The following COL14A1 variants were observed in gnomAD, a reference collection of about 807,000 sequenced individuals.
COL14A1 encodes collagen type XIV alpha 1 chain.
In COL14A1, 136 loss-of-function variants were observed where a neutral mutation model predicts 230.3. That is an observed-to-expected ratio of 0.59 (90% CI 0.51 to 0.68). The LOEUF is 0.68. COL14A1 is among the 30% of genes least tolerant of loss of function. The pLI, the probability that COL14A1 is intolerant of heterozygous loss-of-function variation, is 0.00. For missense variants in COL14A1, 1,976 were observed against 2,215.8 expected (o/e 0.89, Z 2.17); for synonymous variants, 792 against 784.1 (o/e 1.01, Z -0.17).
At chr8:120,127,014 G>A (rs534534988) in intron 1 of COL14A1, among the ~76,000 whole-genome samples, 56 of 152,284 alleles carry the variant, frequency 3.7e-4, no homozygotes, top group Non-Finnish European at 6.2e-4. Flanking sequence ...TTTTCACAGA[G>A]CAGAGTAAAT....
intron 19 of COL14A1, among the ~76,000 whole-genome samples, chr8:120,233,523 G>A (rs1196625410): frequency 1.3e-5 from 2 of 152,082 alleles, no homozygotes; most frequent in African/African-American, 4.8e-5. Context: ...TCCAATTTCA[G>A]TTTTCTGCCT....
rs1268681700 is a variant in COL14A1, at chr8:120,371,271, T to C, written c.*40T>C. The C allele has an allele frequency of 6.6e-7, 1 of 1,506,230 alleles. No homozygotes were observed. Among genetic ancestry groups the C allele is most frequent in the Non-Finnish European group, 9.1e-7 (1 of 1,092,942 alleles). 93.3% of individuals were successfully genotyped at this position (1,506,230 alleles called of 1,614,324 possible). The stretch of plus-strand genomic sequence containing the variant: ...ATTTGAAGACCAACTGCAAGAACTC[T>C]TAAGGAATCTTGTTTGAGAAAATGT... On this transcript the variant is annotated 3_prime_UTR_variant, in exon 48 of 48. Transcript: ENST00000297848.
chr8:120,341,212 C>T, intron 42 of COL14A1, 113 bp from the exon 43 acceptor site: 2 of 1,011,292 alleles, frequency 2.0e-6, no homozygotes, highest in South Asian at 1.3e-5. Context: ...ATTTTTGCTG[C>T]AGAATTACTG....
At chr8:120,298,634 T>TATATATATATAC (rs2130013204) in intron 35 of COL14A1, among the ~76,000 whole-genome samples, 1 of 115,140 alleles carries the variant, frequency 8.7e-6, no homozygotes, top group East Asian at 2.5e-4. Context: ...TATATATATA[T>TATATATATATAC]ATATACAAAA....
intron 45 of COL14A1, among the ~76,000 whole-genome samples, chr8:120,347,866 C>G (rs1388475988): frequency 1.3e-5 from 2 of 151,788 alleles, no homozygotes; most frequent in Non-Finnish European, 2.9e-5. Flanking sequence ...AAAATAAGTA[C>G]TATTACCAGG....
At chr8:120,269,406 A>G (rs1819590643) in intron 25 of COL14A1, among the ~76,000 whole-genome samples, 1 of 151,794 alleles carries the variant, frequency 6.6e-6, no homozygotes, top group South Asian at 2.1e-4. Flanking sequence ...ACCTACTGAT[A>G]ATACTTTCCC....
At chr8:120,241,701 T>C (rs906509302) in intron 19 of COL14A1, among the ~76,000 whole-genome samples, 1 of 152,120 alleles carries the variant, frequency 6.6e-6, no homozygotes, top group Non-Finnish European at 1.5e-5. Context: ...TTTTTTACTC[T>C]TGAAAATGAA....
chr8:120,201,608 A>T (rs1225771622), intron 8 of COL14A1, among the ~76,000 whole-genome samples: 1 of 152,148 alleles, frequency 6.6e-6, no homozygotes, highest in Non-Finnish European at 1.5e-5. Flanking sequence ...GTTGAGTTAA[A>T]TTTGCTGTGC....
chr8:120,288,382 TA>T (rs1004739778), intron 33 of COL14A1, among the ~76,000 whole-genome samples: 2 of 152,130 alleles, frequency 1.3e-5, no homozygotes, highest in African/African-American at 4.8e-5. Context: ...ACAATTGGTG[TA>T]AGTCCATGTG....
At chr8:120,191,011 A>AT (rs1389944578) in intron 5 of COL14A1, among the ~76,000 whole-genome samples, 1 of 145,192 alleles carries the variant, frequency 6.9e-6, no homozygotes, top group Non-Finnish European at 1.5e-5. Context: ...GGATTCATTA[A>AT]TTTTTTGAAG....
chr8:120,349,779 T>C (rs1417485606), intron 45 of COL14A1, among the ~76,000 whole-genome samples: 7 of 134,964 alleles, frequency 5.2e-5, no homozygotes, highest in African/African-American at 1.2e-4. Context: ...CTGAAAGTGA[T>C]GGGGAGAATG....
intron 40 of COL14A1, among the ~76,000 whole-genome samples, chr8:120,324,525 C>T (rs1464347995): frequency 2.6e-5 from 4 of 152,126 alleles, no homozygotes; most frequent in African/African-American, 9.7e-5. Context: ...CTGGCTGCCA[C>T]ACTAGTCTGC....
At chr8:120,272,471 AAGTGC>A (rs1819697709) in intron 26 of COL14A1, among the ~76,000 whole-genome samples, 2 of 151,868 alleles carry the variant, frequency 1.3e-5, no homozygotes, top group South Asian at 4.1e-4. Flanking sequence ...TAAATAGCCT[AAGTGC>A]TCCACTTAAA....
intron 40 of COL14A1, among the ~76,000 whole-genome samples, chr8:120,323,257 AT>A (rs1169229034): frequency 6.6e-6 from 1 of 151,396 alleles, no homozygotes; most frequent in Non-Finnish European, 1.5e-5. Context: ...CTACTTTTTA[AT>A]GGAGTTGTTT....
chr8:120,149,051 T>G (rs111315872), intron 2 of COL14A1, among the ~76,000 whole-genome samples: 3,398 of 152,344 alleles, frequency 0.022, 45 homozygotes, highest in African/African-American at 0.031. Context: ...AATATTTATC[T>G]GAAAAGAATG....
intron 10 of COL14A1, among the ~76,000 whole-genome samples, chr8:120,207,959 T>TA (rs1426665257): frequency 6.6e-6 from 1 of 152,072 alleles, no homozygotes; most frequent in African/African-American, 2.4e-5. Flanking sequence ...TGTTATTAAG[T>TA]GGATGTAAAT....
chr8:120,280,065 G>C lies in COL14A1; in HGVS notation c.3612G>C (p.Glu1204Asp). Residue 1204 changes from glutamate to aspartate, a missense_variant, in exon 29 of 48, where the codon GAG becomes GAC. By Grantham distance (45) the Glu-to-Asp change is conservative (BLOSUM62 2). Coordinates refer to ENST00000297848, the MANE Select transcript of COL14A1 (RefSeq NM_021110.4). The part of the protein sequence containing the change: ...DFDAFKKIED[E>D]LITFVCETAS... ...ACGCCTTTAAGAAAATCGAAGATGA[G>C]TTAATTACTTTTGTCTGCGAAACAG... The C allele has an allele frequency of 6.2e-7, 1 of 1,613,788 alleles. No individual in the cohort carries two copies. The highest frequency in any genetic ancestry group is 8.5e-7 in the Non-Finnish European group (1 of 1,179,798).
Position 120,243,873 on chromosome 8 carries a change from G to C in COL14A1, c.2350-6G>C, listed in dbSNP as rs746204328. The stretch of plus-strand genomic sequence containing the variant: ...TAAGACTGCAGTCCTTTGCTTTTTT[G>C]TTCAGGTTATGGTGCCTGGAAGCCA... On this transcript the variant is annotated splice_polypyrimidine_tract_variant and splice_region_variant and intron_variant, in intron 19 of 47. Coordinates refer to ENST00000297848, the MANE Select transcript of COL14A1 (RefSeq NM_021110.4). The C allele has an allele frequency of 6.2e-7, 1 of 1,610,610 alleles. No homozygotes were observed. Among genetic ancestry groups the C allele is most frequent in the South Asian group, 1.1e-5 (1 of 90,546 alleles).
At chr8:120,251,945 C>A (rs1313949135) in intron 22 of COL14A1, among the ~76,000 whole-genome samples, 1 of 151,304 alleles carries the variant, frequency 6.6e-6, no homozygotes, top group Non-Finnish European at 1.5e-5. Context: ...TTGCTATAAA[C>A]CCCTTAAGAT....
Sources: allele counts gnomAD v4.1 joint callset (sites outside exome capture counted in the v4.1 genomes callset), GRCh38; gene constraint gnomAD v4.1.1; transcripts MANE v1.5; gene names NCBI Gene and HGNC (gene_info 2026-07-23, HGNC 2026-07-21).